DCDC1: variants seen among roughly 807,000 people sequenced by gnomAD.
DCDC1 encodes doublecortin domain containing 1.
DCDC1 carries 200 observed loss-of-function variants against 178.3 expected under a neutral mutation model. The observed-to-expected ratio is 1.12, with a 90% CI of 1.00 to 1.26. The LOEUF is 1.26. Ranked by LOEUF, DCDC1 falls within the 50% of genes most tolerant of loss-of-function variation. DCDC1 has a pLI of 0.00. For synonymous variants in DCDC1, 690 were observed against 604.8 expected (o/e 1.14, Z -2.07); for missense variants, 1,983 against 1,749.2 (o/e 1.13, Z -2.38).
chr11:31,179,601 C>T (rs1043819660), intron 9 of DCDC1, among the ~76,000 whole-genome samples: 7 of 152,114 alleles, frequency 4.6e-5, no homozygotes, highest in African/African-American at 9.7e-5. Context: ...GATCTCACTC[C>T]TATGTGGGAT....
At chr11:31,181,251 A>T (rs1040885437) in intron 9 of DCDC1, among the ~76,000 whole-genome samples, 1 of 152,162 alleles carries the variant, frequency 6.6e-6, no homozygotes, top group African/African-American at 2.4e-5. Context: ...TTTCCATGGG[A>T]CAGAGCACCT....
chr11:31,225,155 A>C (rs1974757283), intron 9 of DCDC1, among the ~76,000 whole-genome samples: 1 of 152,170 alleles, frequency 6.6e-6, no homozygotes, highest in Non-Finnish European at 1.5e-5. Context: ...TGTGGCATAT[A>C]TACATCATGG....
Position 31,305,661 on chromosome 11 carries a change from A to C in DCDC1, c.708T>G (p.Tyr236Ter). Reference sequence around the variant, plus strand: ...TTAAAAAGGGCTCTCCCGTTGAAACATAAACATCGGCTTCATGGGGTATAT... The same window carrying C: ...TTAAAAAGGGCTCTCCCGTTGAAACCTAAACATCGGCTTCATGGGGTATAT... ...PEDIPHEADV[Y>*]VSTGEPFLNP... The change falls in exon 6 of 39, where the codon TAT (tyrosine) becomes TAG (stop). Residue 236 changes from tyrosine (Y) to a stop codon, truncating the protein, a stop_gained. Transcript: ENST00000684477. LOFTEE classifies it high-confidence loss of function. The C allele has an allele frequency of 6.2e-7, 1 of 1,613,944 alleles. No homozygotes were observed. Among genetic ancestry groups the C allele is most frequent in the Non-Finnish European group, 8.5e-7 (1 of 1,179,856 alleles).
intron 7 of DCDC1, among the ~76,000 whole-genome samples, chr11:31,283,204 A>G (rs905833863): frequency 1.3e-5 from 2 of 152,186 alleles, no homozygotes; most frequent in Non-Finnish European, 2.9e-5. Flanking sequence ...TTATACGTCT[A>G]TTAGACTCAC....
intron 8 of DCDC1, among the ~76,000 whole-genome samples, chr11:31,257,689 G>T (rs1436635248): frequency 8.8e-6 from 1 of 113,830 alleles, no homozygotes; most frequent in African/African-American, 3.5e-5. Context: ...TTGACAGATA[G>T]GAAAACACAC....
At chr11:31,005,121 T>C (rs1256994636) in intron 20 of DCDC1, among the ~76,000 whole-genome samples, 3 of 152,208 alleles carry the variant, frequency 2.0e-5, no homozygotes, top group East Asian at 3.9e-4. Context: ...GTTACCTCTA[T>C]TTTGGTCAAT....
chr11:31,285,403 C>T (rs914418174), intron 7 of DCDC1, among the ~76,000 whole-genome samples: 3 of 152,218 alleles, frequency 2.0e-5, no homozygotes, highest in African/African-American at 7.2e-5. Context: ...TGTCGGAATC[C>T]ATGTTGAGCA....
At chr11:31,070,683 A>G (rs1238495034) in intron 18 of DCDC1, among the ~76,000 whole-genome samples, 1 of 152,136 alleles carries the variant, frequency 6.6e-6, no homozygotes, top group Non-Finnish European at 1.5e-5. Context: ...ACATTTACCA[A>G]ATTCACTCTC....
chr11:30,974,942 T>A (rs12788912), intron 20 of DCDC1, among the ~76,000 whole-genome samples: 1 of 152,042 alleles, frequency 6.6e-6, no homozygotes, highest in Non-Finnish European at 1.5e-5. Flanking sequence ...CAAGCCAATA[T>A]CCTTGATGAA....
intron 3 of DCDC1, among the ~76,000 whole-genome samples, chr11:31,315,240 C>T (rs764457554): frequency 1.3e-4 from 20 of 150,738 alleles, no homozygotes; most frequent in Non-Finnish European, 2.2e-4. Context: ...CTGCTCATTA[C>T]TCCCCTGTAA....
At chr11:30,974,657 T>C (rs1590623679) in intron 20 of DCDC1, among the ~76,000 whole-genome samples, 1 of 151,856 alleles carries the variant, frequency 6.6e-6, no homozygotes, top group Non-Finnish European at 1.5e-5. Flanking sequence ...CAAGATTAAA[T>C]CAGGAAGAAA....
intron 20 of DCDC1, among the ~76,000 whole-genome samples, chr11:31,033,898 A>T (rs1388127221): frequency 7.3e-6 from 1 of 137,682 alleles, no homozygotes; most frequent in Non-Finnish European, 1.5e-5. Context: ...CAATCCCAGC[A>T]CTGTGGGAGG....
Position 30,905,060 on chromosome 11 carries a change from G to A in DCDC1, c.4209C>T (p.Gly1403=), listed in dbSNP as rs1176874294. ...CTGCCTTCTGGTGTGTGGCTGCCAT[G>A]CCACTGTGAGATGCAGCTTGCGTGC... ...KTCTQAASHS[G]MAATHQKAVK... is the part of the protein sequence containing the mutation. Residue 1403 remains glycine (G), a synonymous_variant, in exon 31 of 39, where the codon GGC becomes GGT. Coordinates refer to ENST00000684477, the MANE Select transcript of DCDC1 (RefSeq NM_001387274.1). The A allele has an allele frequency of 1.2e-6, 2 of 1,613,698 alleles. No individual in the cohort carries two copies. Among genetic ancestry groups the A allele is most frequent in the Non-Finnish European group, 1.7e-6 (2 of 1,179,796 alleles).
intron 20 of DCDC1, among the ~76,000 whole-genome samples, chr11:30,993,130 C>T (rs183855476): frequency 6.6e-6 from 1 of 151,990 alleles, no homozygotes; most frequent in East Asian, 1.9e-4. Context: ...ATGTTGAAAA[C>T]TTATGTTAAA....
intron 2 of DCDC1, among the ~76,000 whole-genome samples, chr11:31,332,179 A>G (rs1024562360): frequency 1.3e-5 from 2 of 152,198 alleles, no homozygotes; most frequent in African/African-American, 4.8e-5. Context: ...AGATGTTTAT[A>G]GTATTCTCTG....
At chr11:30,965,665 T>C (rs1949387702) in intron 20 of DCDC1, among the ~76,000 whole-genome samples, 1 of 149,232 alleles carries the variant, frequency 6.7e-6, no homozygotes, top group African/African-American at 2.5e-5. Flanking sequence ...GTTAGTTACA[T>C]ATGTATACAT....
intron 7 of DCDC1, among the ~76,000 whole-genome samples, chr11:31,268,585 T>C (rs1003643481): frequency 6.6e-6 from 1 of 152,248 alleles, no homozygotes; most frequent in African/African-American, 2.4e-5. Context: ...TAGTATTCCA[T>C]GGTGCATATG....
chr11:31,211,851 G>A (rs936501912), intron 9 of DCDC1, among the ~76,000 whole-genome samples: 2 of 152,054 alleles, frequency 1.3e-5, no homozygotes, highest in African/African-American at 4.8e-5. Flanking sequence ...GGAAGGCCGA[G>A]GCAGGTGGAT....
chr11:31,315,916 T>C (rs1565601109), intron 3 of DCDC1, among the ~76,000 whole-genome samples: 1 of 114,818 alleles, frequency 8.7e-6, no homozygotes, highest in Non-Finnish European at 1.7e-5. Context: ...TTTGGTTTTT[T>C]GTTCTTGCAA....
Sources: gnomAD v4.1 joint callset for allele counts (sites outside exome capture counted in the v4.1 genomes callset) on GRCh38, gnomAD v4.1.1 for gene constraint, MANE v1.5 for transcripts, NCBI Gene and HGNC (gene_info 2026-07-23, HGNC 2026-07-21) for gene names.